The following POTEJ variants were observed in gnomAD, a reference collection of about 807,000 sequenced individuals.
POTEJ encodes POTE ankyrin domain family member J.
POTEJ carries 11 observed loss-of-function variants against 69.0 expected under a neutral mutation model. The ratio of observed to expected loss-of-function variants is 0.16; its 90% confidence interval spans 0.10 to 0.26. POTEJ has a LOEUF of 0.26. Ranked by LOEUF, POTEJ falls within the 10% of genes least tolerant of loss-of-function variation. POTEJ has a pLI of 1.00. For missense variants in POTEJ, 327 were observed against 1,045.5 expected (o/e 0.31, Z 9.48); for synonymous variants, 117 against 381.1 (o/e 0.31, Z 8.07).
intron 13 of POTEJ, among the ~76,000 whole-genome samples, chr2:130,650,432 T>C (rs1159302429): frequency 2.0e-5 from 3 of 152,140 alleles, no homozygotes; most frequent in Non-Finnish European, 4.4e-5. Context: ...TGAATAGGGT[T>C]TTTATTGTTC....
In POTEJ at chr2:130,625,050, G is replaced by T. The variant is rs1254804805; in HGVS notation, c.1015+916G>T. ...TAACAAAAATGCTAGTATGCTACCT[G>T]GTTGTGGACACCTAATACATTATAT... On this transcript the variant is annotated intron_variant, in intron 6 of 14. Transcript: ENST00000409602. Among the ~76,000 whole-genome samples the T allele has an allele frequency of 2.0e-5, 3 of 152,258 alleles. No homozygotes were observed. The East Asian group carries it at 5.8e-4, about 29-fold the overall frequency.
intron 9 of POTEJ, among the ~76,000 whole-genome samples, chr2:130,633,338 G>A (rs1685974870): frequency 7.3e-6 from 1 of 137,474 alleles, no homozygotes; most frequent in Admixed American, 7.5e-5. Context: ...AAGGATATTT[G>A]TGTAGATTTG....
chr2:130,645,817 G>A, intron 12 of POTEJ, 36 bp downstream of exon 12: 1 of 395,626 alleles, frequency 2.5e-6, no homozygotes, highest in African/African-American at 2.4e-5. Flanking sequence ...TGTTGAATTA[G>A]ATTTTTACAT....
chr2:130,640,220 G>T (rs983456846), intron 10 of POTEJ, among the ~76,000 whole-genome samples: 2 of 143,382 alleles, frequency 1.4e-5, no homozygotes, highest in Non-Finnish European at 3.1e-5. Flanking sequence ...GCCCATTTGG[G>T]AGGAAGAGCA....
At chr2:130,625,344 G>T (rs1340446173) in intron 6 of POTEJ, among the ~76,000 whole-genome samples, 2 of 151,970 alleles carry the variant, frequency 1.3e-5, no homozygotes, top group Admixed American at 6.5e-5. Context: ...TAATGCTATA[G>T]ACCACAAACA....
intron 6 of POTEJ, among the ~76,000 whole-genome samples, chr2:130,627,396 A>G (rs1057383662): frequency 7.1e-6 from 1 of 141,766 alleles, no homozygotes; most frequent in African/African-American, 2.9e-5. Context: ...CTTAATGGAT[A>G]AAGATGAATA....
intron 10 of POTEJ, among the ~76,000 whole-genome samples, chr2:130,640,794 T>C (rs1438832020): frequency 9.9e-5 from 15 of 152,198 alleles, no homozygotes; most frequent in Admixed American, 9.8e-4. Flanking sequence ...TTTCTGTTTC[T>C]GAGGCTGAGG....
Position 130,631,876 on chromosome 2 carries a change from G to A in POTEJ, c.1131+423G>A, listed in dbSNP as rs569350026. ...ATTTTCTGGAATTCCATGCTTGCAC[G>A]TCAGCAGTTTCACTCTGCTTCTTGT... On this transcript the variant is annotated intron_variant, in intron 8 of 14. Coordinates refer to ENST00000409602, the MANE Select transcript of POTEJ (RefSeq NM_001277083.2). Among the ~76,000 whole-genome samples the A allele has an allele frequency of 1.9e-4, 27 of 143,170 alleles. 3 individuals carry two copies. The highest frequency in any genetic ancestry group is 2.8e-4 in the Admixed American group (4 of 14,528). The allele number at this position is 143,170 out of a possible 152,430, so 93.9% of individuals were successfully genotyped here. A position where few individuals can be genotyped will look rare whatever the true frequency, so the allele number is the denominator to read the frequency against.
intron 10 of POTEJ, 132 bp downstream of exon 10, chr2:130,638,821 A>G (rs1227344293): frequency 6.8e-7 from 1 of 1,466,114 alleles, no homozygotes; most frequent in African/African-American, 1.4e-5. Flanking sequence ...TTGTTCAGTC[A>G]CATTACACTT....
At chr2:130,632,726 T>C in intron 9 of POTEJ, 70 bp downstream of exon 9, 1 of 1,037,490 alleles carries the variant, frequency 9.6e-7, no homozygotes, top group Non-Finnish European at 1.4e-6. Flanking sequence ...TGGGCTAATA[T>C]TCATGATGAA....
chr2:130,641,197 G>C (rs994997795), intron 10 of POTEJ, among the ~76,000 whole-genome samples: 2 of 152,108 alleles, frequency 1.3e-5, no homozygotes, highest in African/African-American at 4.8e-5. Context: ...ATAGTTTCCT[G>C]GGATTGATGG....
intron 9 of POTEJ, among the ~76,000 whole-genome samples, chr2:130,637,457 G>C (rs1268334607): frequency 1.3e-4 from 19 of 150,232 alleles, no homozygotes; most frequent in Admixed American, 6.6e-4. Context: ...CGCATAAGGC[G>C]GCCACACAAA....
intron 1 of POTEJ, among the ~76,000 whole-genome samples, chr2:130,615,697 AC>A (rs1165667023): frequency 1.4e-5 from 2 of 148,138 alleles, no homozygotes; most frequent in African/African-American, 5.1e-5. Context: ...TGTACAACCA[AC>A]CCCCTTGGTG....
chr2:130,624,810 C>T (rs1685644145), intron 6 of POTEJ, among the ~76,000 whole-genome samples: 2 of 152,092 alleles, frequency 1.3e-5, no homozygotes, highest in African/African-American at 2.4e-5. Flanking sequence ...CTATTACTGA[C>T]TTCATTCCTC....
At chr2:130,649,444 G>A (rs1686720628) in intron 13 of POTEJ, among the ~76,000 whole-genome samples, 1 of 152,160 alleles carries the variant, frequency 6.6e-6, no homozygotes, top group South Asian at 2.1e-4. Context: ...CCAGAGGCCA[G>A]TCTATCTTGT....
chr2:130,657,195 C>T lies in POTEJ; in HGVS notation c.2435C>T (p.Thr812Ile). The T allele has an allele frequency of 6.6e-7, 1 of 1,519,652 alleles. No individual in the cohort carries two copies. The highest frequency in any genetic ancestry group is 9.1e-7 in the Non-Finnish European group (1 of 1,104,690). 94.1% of individuals were successfully genotyped at this position (1,519,652 alleles called of 1,614,324 possible). The change falls in exon 15 of 15, where the codon ACT (threonine) becomes ATT (isoleucine). Residue 812 changes from threonine to isoleucine, a missense_variant. Physicochemically the swap from Thr to Ile is moderately conservative, Grantham distance 89. Coordinates refer to ENST00000409602, the MANE Select transcript of POTEJ (RefSeq NM_001277083.2). ...MLSLYTSGRT[T>I]GIVMDSGDGV... Reference sequence around the variant, plus strand: ...TCCCTGTACACCTCTGGCCGTACTACTGGCATCGTGATGGACTCTGGTGAC... The same window carrying T: ...TCCCTGTACACCTCTGGCCGTACTATTGGCATCGTGATGGACTCTGGTGAC...
chr2:130,623,112 G>A (rs1685594974), intron 5 of POTEJ, among the ~76,000 whole-genome samples: 1 of 134,530 alleles, frequency 7.4e-6, no homozygotes, highest in African/African-American at 3.1e-5. Flanking sequence ...CATGTTCGGT[G>A]CAAAATATAT....
intron 11 of POTEJ, among the ~76,000 whole-genome samples, chr2:130,645,467 A>G (rs1573993092): frequency 8.0e-6 from 1 of 124,274 alleles, no homozygotes; most frequent in Non-Finnish European, 1.8e-5. Flanking sequence ...TTGCTGGTTC[A>G]TGTTTTTCTT....
At chr2:130,655,455 T>A (rs370544487) in intron 14 of POTEJ, among the ~76,000 whole-genome samples, 1 of 152,256 alleles carries the variant, frequency 6.6e-6, no homozygotes, top group East Asian at 1.9e-4. Context: ...GGCCACATTG[T>A]GGATACCATT....
Sources: allele counts gnomAD v4.1 joint callset (sites outside exome capture counted in the v4.1 genomes callset), GRCh38; gene constraint gnomAD v4.1.1; transcripts MANE v1.5; gene names NCBI Gene and HGNC (gene_info 2026-07-23, HGNC 2026-07-21).